The following GCSAML variants were observed in gnomAD, a reference collection of about 807,000 sequenced individuals.
The protein encoded by GCSAML is germinal center associated signaling and motility like.
A neutral mutation model predicts 13.0 loss-of-function variants in GCSAML; 9 were observed. That is an observed-to-expected ratio of 0.69 (90% confidence interval 0.42 to 1.21). GCSAML has a LOEUF of 1.21. Among genes scored for constraint, GCSAML ranks in the 50% most tolerant of loss-of-function variants. The pLI, the probability that GCSAML is intolerant of heterozygous loss-of-function variation, is 0.00. For synonymous variants in GCSAML, 37 were observed against 52.9 expected, an observed-to-expected ratio of 0.70 and a Z score of 1.31; for missense variants, 143 against 153.4, an observed-to-expected ratio of 0.93 and a Z score of 0.36.
At chr1:247,530,415 A>T (rs1666872091) in intron 2 of GCSAML, 1 of 152,060 alleles carries the variant, frequency 6.6e-6, no homozygotes, top group Non-Finnish European at 1.5e-5. Context: ...CAATCATAAG[A>T]AACAATGGTG....
At chr1:247,519,605 G>A (rs1038800843) in intron 1 of GCSAML, among the ~76,000 whole-genome samples, 6 of 152,180 alleles carry the variant, frequency 3.9e-5, no homozygotes, top group African/African-American at 1.4e-4. Context: ...CAATTTAAGT[G>A]CGGCAAACAT....
At chr1:247,522,668 T>C (rs1666493804) in intron 1 of GCSAML, among the ~76,000 whole-genome samples, 2 of 152,150 alleles carry the variant, frequency 1.3e-5, no homozygotes, top group South Asian at 4.1e-4. Context: ...TTAAATGGAT[T>C]AAGGGCGGTG....
chr1:247,574,054 G>A, intron 4 of GCSAML, 89 bp from the exon 5 acceptor site: 11 of 1,424,468 alleles, frequency 7.7e-6, no homozygotes, highest in Non-Finnish European at 9.7e-6. Flanking sequence ...GCACCATCAG[G>A]TGTATAAAGA....
intron 1 of GCSAML, among the ~76,000 whole-genome samples, chr1:247,551,468 C>A (rs1417459907): frequency 6.6e-6 from 1 of 152,120 alleles, no homozygotes; most frequent in Admixed American, 6.5e-5. Context: ...AAGCAGTGAA[C>A]ATTTATAAGC....
chr1:247,520,033 T>C (rs752500910), intron 1 of GCSAML, among the ~76,000 whole-genome samples: 1 of 152,214 alleles, frequency 6.6e-6, no homozygotes, highest in African/African-American at 2.4e-5. Flanking sequence ...AGTAGGAATA[T>C]TTTAAGATTT....
intron 1 of GCSAML, among the ~76,000 whole-genome samples, chr1:247,521,149 T>C (rs1004791109): frequency 2.0e-5 from 3 of 150,554 alleles, no homozygotes; most frequent in African/African-American, 7.3e-5. Context: ...GAAAATCCTA[T>C]AGGCATCTTT....
At chr1:247,552,346 T>C (rs1403633356) in intron 1 of GCSAML, among the ~76,000 whole-genome samples, 1 of 152,206 alleles carries the variant, frequency 6.6e-6, no homozygotes, top group Admixed American at 6.5e-5. Context: ...ATCACAGATG[T>C]GGTGTGAGAG....
chr1:247,555,955 C>G (rs1327632888), intron 1 of GCSAML, among the ~76,000 whole-genome samples: 3 of 152,140 alleles, frequency 2.0e-5, no homozygotes, highest in African/African-American at 7.2e-5. Flanking sequence ...ACATGGATGC[C>G]CACATGCAGC....
intron 4 of GCSAML, among the ~76,000 whole-genome samples, chr1:247,572,828 C>T (rs12133926): frequency 6.6e-6 from 1 of 152,068 alleles, no homozygotes; most frequent in East Asian, 1.9e-4. Flanking sequence ...TCTGTAAGCC[C>T]CTGACTGGGG....
intron 1 of GCSAML, among the ~76,000 whole-genome samples, chr1:247,553,594 TA>T (rs1050908495): frequency 4.6e-5 from 7 of 152,302 alleles, no homozygotes; most frequent in African/African-American, 1.4e-4. Flanking sequence ...TTCTACTTTT[TA>T]AAAAAATATG....
intron 2 of GCSAML, chr1:247,531,547 C>A: frequency 6.2e-7 from 1 of 1,612,762 alleles, no homozygotes. Context: ...GCACTGGAGT[C>A]TCTAAATTTG....
chr1:247,563,670 G>T (rs1484972842), intron 3 of GCSAML, 31 bp downstream of exon 3: 2 of 1,293,170 alleles, frequency 1.5e-6, no homozygotes, highest in East Asian at 2.3e-5. Flanking sequence ...ATTTTTCATA[G>T]TAGGGAAGTG....
chr1:247,525,812 C>T (rs1056750097), intron 1 of GCSAML: 1 of 152,216 alleles, frequency 6.6e-6, no homozygotes, highest in Non-Finnish European at 1.5e-5. Context: ...CTGCCTTGGT[C>T]TTTCAGGTGC....
intron 2 of GCSAML, chr1:247,528,927 A>T (rs1386715538): frequency 6.6e-6 from 1 of 152,204 alleles, no homozygotes; most frequent in Non-Finnish European, 1.5e-5. Context: ...GGTATGGTAG[A>T]TAAGATGACT....
intron 1 of GCSAML, among the ~76,000 whole-genome samples, chr1:247,510,775 A>C (rs1666008329): frequency 6.6e-6 from 1 of 152,178 alleles, no homozygotes; most frequent in African/African-American, 2.4e-5. Context: ...ATTCAGGAGC[A>C]GGTTGTTCAG....
chr1:247,567,108 G>A (rs73150482), intron 4 of GCSAML, among the ~76,000 whole-genome samples: 2 of 150,198 alleles, frequency 1.3e-5, no homozygotes, highest in Non-Finnish European at 3.0e-5. Context: ...CTTGGAGCAA[G>A]GGCTTTTTTT....
intron 1 of GCSAML, among the ~76,000 whole-genome samples, chr1:247,521,898 C>T (rs550830481): frequency 4.6e-4 from 69 of 150,496 alleles, no homozygotes; most frequent in Non-Finnish European, 7.1e-4. Context: ...AAGTGAGGAG[C>T]GCCTCTTCCT....
intron 2 of GCSAML, among the ~76,000 whole-genome samples, chr1:247,561,079 A>G (rs1668110738): frequency 6.6e-6 from 1 of 151,956 alleles, no homozygotes; most frequent in Non-Finnish European, 1.5e-5. Flanking sequence ...TCAGCCTCCC[A>G]AGTAGCTGAG....
Position 247,575,776 on chromosome 1 carries a change from T to G in GCSAML, c.*1394T>G, listed in dbSNP as rs1412500575. 1 of 152,254 alleles carries G rather than the reference T, an allele frequency of 6.6e-6. No homozygotes were observed. The highest frequency in any genetic ancestry group is 2.4e-5 in the African/African-American group (1 of 41,470). 9.4% of individuals were successfully genotyped at this position (152,254 alleles called of 1,614,324 possible). ...GCAACACACTAGTTAATTTAACCTG[T>G]GACTAGTTATCTCTACCGAAGGTGG... On this transcript the variant is annotated 3_prime_UTR_variant, in exon 5 of 5. Coordinates refer to ENST00000366488, the MANE Select transcript of GCSAML (RefSeq NM_145278.5).
Sources: allele counts gnomAD v4.1 joint callset (sites outside exome capture counted in the v4.1 genomes callset), GRCh38; gene constraint gnomAD v4.1.1; transcripts MANE v1.5; gene names NCBI Gene and HGNC (gene_info 2026-07-23, HGNC 2026-07-21).